Variants in MBOAT1 observed in about 807,000 individuals in gnomAD.
MBOAT1 encodes the protein membrane-bound glycerophospholipid O-acyltransferase 1.
In MBOAT1, 67 loss-of-function variants were observed where a neutral mutation model predicts 64.4. The ratio of observed to expected loss-of-function variants is 1.04; its 90% CI spans 0.85 to 1.27. The LOEUF is 1.27. Among genes scored for constraint, MBOAT1 ranks in the 50% most tolerant of loss-of-function variants. The probability of loss-of-function intolerance (pLI) is 0.00; values close to 1 mark genes in which losing one functional copy is unlikely to be tolerated. For synonymous variants in MBOAT1, 229 were observed against 218.9 expected (o/e 1.05, Z -0.41); for missense variants, 563 against 604.6 (o/e 0.93, Z 0.72).
rs368325402 is a variant in MBOAT1, at chr6:20,109,710, C to T, written c.1249G>A (p.Ala417Thr). 6.2e-7 allele frequency: 1 copy of T among 1,614,126 alleles called. No individual in the cohort carries two copies. Among genetic ancestry groups the T allele is most frequent in the Non-Finnish European group, 8.5e-7 (1 of 1,180,018 alleles). Reference sequence around the variant, plus strand: ...CCTGCATCATACACAGCCTTGAGAGCTCTTGAAGAAAGGAAGTAATGTCTG... The same window carrying T: ...CCTGCATCATACACAGCCTTGAGAGTTCTTGAAGAAAGGAAGTAATGTCTG... ...NYRHYFLSSRALKAVYDAGTW... is the reference protein window; with the variant it reads ...NYRHYFLSSRTLKAVYDAGTW... Residue 417 changes from alanine (A) to threonine (T), a missense_variant, in exon 12 of 13, where the codon GCT (alanine) becomes ACT (threonine). By Grantham distance (58) the Ala-to-Thr change is moderately conservative (BLOSUM62 0). Transcript: ENST00000324607.
At chr6:20,120,405 C>A (rs1760461150) in intron 8 of MBOAT1, among the ~76,000 whole-genome samples, 1 of 152,012 alleles carries the variant, frequency 6.6e-6, no homozygotes, top group South Asian at 2.1e-4. Flanking sequence ...TATTAGGTAA[C>A]CATTAAGATC....
chr6:20,149,832 C>A (rs1414629854), intron 3 of MBOAT1, among the ~76,000 whole-genome samples: 1 of 152,222 alleles, frequency 6.6e-6, no homozygotes, highest in African/African-American at 2.4e-5. Flanking sequence ...AGGAAAACTA[C>A]TGTGCTAATA....
intron 1 of MBOAT1, among the ~76,000 whole-genome samples, chr6:20,171,404 C>A (rs995821889): frequency 4.6e-5 from 6 of 130,928 alleles, no homozygotes; most frequent in Non-Finnish European, 9.9e-5. Context: ...AAAAAAAAAA[C>A]TAGCCGGGCA....
chr6:20,155,285 C>T (rs912940582), intron 1 of MBOAT1, among the ~76,000 whole-genome samples: 1 of 152,238 alleles, frequency 6.6e-6, no homozygotes, highest in South Asian at 2.1e-4. Context: ...TTCTAACCAC[C>T]CCCAACACCC....
At chr6:20,175,509 C>T (rs1455776243) in intron 1 of MBOAT1, among the ~76,000 whole-genome samples, 1 of 152,026 alleles carries the variant, frequency 6.6e-6, no homozygotes, top group African/African-American at 2.4e-5. Context: ...TGCAGTAGCA[C>T]AATCTCGGCT....
chr6:20,210,940 T>TGG (rs57810078), intron 1 of MBOAT1, among the ~76,000 whole-genome samples: 20,534 of 152,148 alleles, frequency 0.13, 2,100 homozygotes, highest in African/African-American at 0.29. Context: ...CGCCTCTGCC[T>TGG]GGGTCCCTGG....
chr6:20,171,112 G>A (rs1213163846), intron 1 of MBOAT1, among the ~76,000 whole-genome samples: 1 of 152,072 alleles, frequency 6.6e-6, no homozygotes, highest in African/African-American at 2.4e-5. Context: ...AAGAAATACA[G>A]TTTCAGGCCT....
At chr6:20,190,140 A>G (rs1420450099) in intron 1 of MBOAT1, among the ~76,000 whole-genome samples, 4 of 151,874 alleles carry the variant, frequency 2.6e-5, no homozygotes, top group Admixed American at 6.6e-5. Context: ...GACTACAGGC[A>G]CCCGCCACCA....
chr6:20,188,818 T>C (rs1347074968), intron 1 of MBOAT1, among the ~76,000 whole-genome samples: 1 of 152,172 alleles, frequency 6.6e-6, no homozygotes, highest in African/African-American at 2.4e-5. Flanking sequence ...TTCTTATCTG[T>C]GTGGCTGTGG....
At chr6:20,142,417 T>C (rs1187664907) in intron 4 of MBOAT1, among the ~76,000 whole-genome samples, 2 of 152,194 alleles carry the variant, frequency 1.3e-5, no homozygotes, top group Non-Finnish European at 1.5e-5. Context: ...GTTGTTCCTA[T>C]GTTTTCCATA....
At chr6:20,118,685 G>A in intron 8 of MBOAT1, 145 bp from the exon 9 acceptor site, 1 of 620,908 alleles carries the variant, frequency 1.6e-6, no homozygotes, top group Non-Finnish European at 2.8e-6. Flanking sequence ...TAAAGGACCT[G>A]CTAACATTCT....
At position 20,114,864 on chromosome 6, in the gene MBOAT1, A is replaced by C. The variant is rs574373025; in HGVS notation, c.1076+424T>G. On this transcript the variant is annotated intron_variant, in intron 10 of 12. Coordinates refer to ENST00000324607, the MANE Select transcript of MBOAT1 (RefSeq NM_001080480.3). ...GCACCATTGCACTCTAATTTGAGCG[A>C]CATAGCGAAACTCCTTCTCAAAAAA... Among the ~76,000 whole-genome samples, 3 of 150,384 alleles carry C rather than the reference A, an allele frequency of 2.0e-5. No individual in the cohort carries two copies. The Admixed American group carries it at 2.0e-4, about 10-fold the overall frequency.
intron 1 of MBOAT1, among the ~76,000 whole-genome samples, chr6:20,163,861 A>G (rs1258718941): frequency 2.6e-5 from 4 of 152,054 alleles, no homozygotes; most frequent in African/African-American, 7.2e-5. Flanking sequence ...TGAGTAAAGA[A>G]TTCTGGGCCT....
chr6:20,106,887 A>AC (rs1759975095), intron 12 of MBOAT1, among the ~76,000 whole-genome samples: 1 of 152,216 alleles, frequency 6.6e-6, no homozygotes, highest in Non-Finnish European at 1.5e-5. Context: ...TTTTAAAAAA[A>AC]TATTCTGGGG....
rs768805214 is a variant in MBOAT1 at position 20,102,414 on chromosome 6, TG to T, written c.1362-3del. 42 of 1,596,556 alleles carry T rather than the reference TG, an allele frequency of 2.6e-5. No homozygotes were observed. Among genetic ancestry groups the T allele is most frequent in the Middle Eastern group, 3.3e-4 (2 of 6,018 alleles). On this transcript the variant is annotated splice_region_variant and splice_polypyrimidine_tract_variant and intron_variant, in intron 12 of 12. Coordinates refer to ENST00000324607, the MANE Select transcript of MBOAT1 (RefSeq NM_001080480.3). The stretch of plus-strand genomic sequence containing the variant: ...ATGTGCAAATAAAAGTACATGGACC[TG>T]GGAATAAAAATATACAAAAATTATA...
At chr6:20,182,047 C>A (rs184191717) in intron 1 of MBOAT1, among the ~76,000 whole-genome samples, 2 of 152,264 alleles carry the variant, frequency 1.3e-5, no homozygotes, top group East Asian at 3.9e-4. Flanking sequence ...TGCTCAAATT[C>A]CTTGGTTATA....
intron 12 of MBOAT1, among the ~76,000 whole-genome samples, chr6:20,103,052 C>T (rs928742764): frequency 3.3e-5 from 5 of 152,316 alleles, no homozygotes; most frequent in African/African-American, 1.2e-4. Flanking sequence ...ATTTACAATA[C>T]TATACTTTCC....
intron 9 of MBOAT1, among the ~76,000 whole-genome samples, chr6:20,117,702 T>C (rs200534445): frequency 6.6e-6 from 1 of 152,116 alleles, no homozygotes; most frequent in Non-Finnish European, 1.5e-5. Context: ...CTGTGGCAGG[T>C]GGAAAACCAA....
chr6:20,112,500 A>G (rs111403145), intron 11 of MBOAT1, among the ~76,000 whole-genome samples: 1,650 of 152,316 alleles, frequency 0.011, 35 homozygotes, highest in African/African-American at 0.038. Context: ...GAAATTAAGC[A>G]AAGTATAAGC....
Sources: allele counts gnomAD v4.1 joint callset (sites outside exome capture counted in the v4.1 genomes callset), GRCh38; gene constraint gnomAD v4.1.1; transcripts MANE v1.5; gene names NCBI Gene and HGNC (gene_info 2026-07-23, HGNC 2026-07-21).